CD247: variants seen among roughly 807,000 people sequenced by gnomAD.
CD247 encodes T-cell surface glycoprotein CD3 zeta chain.
Under a neutral mutation model 30.0 loss-of-function variants are expected in CD247, and 13 were observed. The observed-to-expected ratio is 0.43, with a 90% CI of 0.28 to 0.69. CD247 has a LOEUF of 0.69. CD247 is among the 30% of genes least tolerant of loss of function. The probability of loss-of-function intolerance (pLI) is 0.16; values close to 1 mark genes in which losing one functional copy is unlikely to be tolerated. For missense variants in CD247, 193 were observed against 212.6 expected, an observed-to-expected ratio of 0.91 and a Z score of 0.57; for synonymous variants, 72 against 80.0, an observed-to-expected ratio of 0.90 and a Z score of 0.53.
chr1:167,444,625 G>C (rs1467730477), intron 1 of CD247, among the ~76,000 whole-genome samples: 1 of 152,134 alleles, frequency 6.6e-6, no homozygotes, highest in Non-Finnish European at 1.5e-5. Flanking sequence ...GGCCTGGAGT[G>C]GAACCTGGGC....
chr1:167,461,456 C>T (rs1329407785), intron 1 of CD247, among the ~76,000 whole-genome samples: 3 of 152,230 alleles, frequency 2.0e-5, no homozygotes, highest in Non-Finnish European at 2.9e-5. Flanking sequence ...GCAGTGGTTT[C>T]ATCTCTGGTT....
At chr1:167,466,991 C>T (rs1355132988) in intron 1 of CD247, among the ~76,000 whole-genome samples, 3 of 152,228 alleles carry the variant, frequency 2.0e-5, no homozygotes, top group Admixed American at 6.5e-5. Flanking sequence ...AGGCGCCCGC[C>T]ACCGCGCCCT....
Position 167,480,021 on chromosome 1 carries a change from C to T in CD247, c.58+38387G>A, listed in dbSNP as rs187184183. Among the ~76,000 whole-genome samples the T allele has an allele frequency of 5.0e-4, 76 of 152,280 alleles. 1 individual carries two copies. The highest frequency in any genetic ancestry group is 4.1e-3 in the Admixed American group (62 of 15,292). On this transcript the variant is annotated intron_variant, in intron 1 of 7. Coordinates refer to ENST00000362089, the MANE Select transcript of CD247 (RefSeq NM_198053.3). ...AGCGGACTCAGAATCCAAAACAGCA[C>T]GGGCTGGATCACTGTTACTCAATGG...
intron 1 of CD247, among the ~76,000 whole-genome samples, chr1:167,462,738 C>T (rs1016491091): frequency 6.6e-6 from 1 of 152,186 alleles, no homozygotes; most frequent in African/African-American, 2.4e-5. Context: ...GCAATTCTCC[C>T]ACCCCCTGGA....
intron 1 of CD247, among the ~76,000 whole-genome samples, chr1:167,507,360 G>T (rs1655188148): frequency 6.6e-6 from 1 of 152,034 alleles, no homozygotes. Flanking sequence ...GGTGAACCAG[G>T]CCTCTTTTCT....
chr1:167,495,076 A>T (rs1182939322), intron 1 of CD247, among the ~76,000 whole-genome samples: 1 of 152,212 alleles, frequency 6.6e-6, no homozygotes, highest in Non-Finnish European at 1.5e-5. Context: ...ATCACTTCTC[A>T]TGCTGTCTTA....
At chr1:167,483,814 A>G (rs1654078947) in intron 1 of CD247, among the ~76,000 whole-genome samples, 1 of 152,220 alleles carries the variant, frequency 6.6e-6, no homozygotes, top group Admixed American at 6.5e-5. Flanking sequence ...AGTGCCCCTC[A>G]GCTTTGAACC....
In CD247 at chr1:167,430,816, G is replaced by A. The variant is rs758133053; in HGVS notation, c.*865C>T. The A allele has an allele frequency of 5.5e-5, 22 of 398,728 alleles. No individual in the cohort carries two copies. The highest frequency in any genetic ancestry group is 1.3e-4 in the South Asian group (1 of 7,862). 24.7% of individuals were successfully genotyped at this position (398,728 alleles called of 1,614,324 possible). A position where few individuals can be genotyped will look rare whatever the true frequency, so the allele number is the denominator to read the frequency against. On this transcript the variant is annotated 3_prime_UTR_variant, in exon 8 of 8. Transcript: ENST00000362089. ...GGTTTTTCCTGTCCTGCCACTGTCC[G>A]CTGGGCAGTTATAGGTCCCATGTGT...
In CD247 at chr1:167,437,274, G is replaced by A. The variant is rs548753158; in HGVS notation, c.300+1296C>T. On this transcript the variant is annotated intron_variant, in intron 4 of 7. Transcript: ENST00000362089. ...TACAAAATTAGCCAAGCGTGGTGGC[G>A]CATGCCTGTAATCCCAGCTACTCGG... is the stretch of plus-strand genomic sequence containing the variant. Among the ~76,000 whole-genome samples the A allele has an allele frequency of 1.9e-3, 286 of 152,086 alleles. 3 individuals are homozygous for A. The Middle Eastern group carries it at 0.034, about 18-fold the overall frequency.
At chr1:167,478,615 A>G (rs1239710270) in intron 1 of CD247, among the ~76,000 whole-genome samples, 1 of 152,158 alleles carries the variant, frequency 6.6e-6, no homozygotes, top group Non-Finnish European at 1.5e-5. Context: ...GAGTCAGACT[A>G]TTTGTCTCCA....
chr1:167,488,591 T>A (rs925756320), intron 1 of CD247, among the ~76,000 whole-genome samples: 1 of 152,076 alleles, frequency 6.6e-6, no homozygotes, highest in African/African-American at 2.4e-5. Context: ...GGGAACCGGA[T>A]ATTGAAGGTT....
chr1:167,434,489 C>T (rs758511997), intron 5 of CD247: 2 of 353,810 alleles, frequency 5.7e-6, no homozygotes, highest in South Asian at 2.2e-5. Flanking sequence ...ACAGGAGGGG[C>T]GGGGAGGCAT....
At chr1:167,465,494 A>AT (rs1207703756) in intron 1 of CD247, among the ~76,000 whole-genome samples, 5 of 151,116 alleles carry the variant, frequency 3.3e-5, no homozygotes, top group Admixed American at 6.6e-5. Context: ...TGCCTGGCTA[A>AT]TTTTTTTTGT....
intron 1 of CD247, chr1:167,448,350 G>A: frequency 1.0e-6 from 1 of 985,388 alleles, no homozygotes; most frequent in Non-Finnish European, 1.2e-6. Context: ...GACCTTCAAA[G>A]ACTTGCTGAT....
chr1:167,434,734 A>T (rs949426062), intron 5 of CD247: 3 of 451,734 alleles, frequency 6.6e-6, no homozygotes, highest in African/African-American at 6.0e-5. Context: ...TGGGAACTCC[A>T]GCAGCAGGGT....
At chr1:167,453,728 G>GA (rs1377441143) in intron 1 of CD247, among the ~76,000 whole-genome samples, 1 of 152,210 alleles carries the variant, frequency 6.6e-6, no homozygotes, top group African/African-American at 2.4e-5. Context: ...AGCACTTTGG[G>GA]AGGCTGAAGC....
rs915260514 is a variant in CD247, at chr1:167,494,445, G to C, written c.58+23963C>G. On this transcript the variant is annotated intron_variant, in intron 1 of 7. Transcript: ENST00000362089. The surrounding 1 kb of genome is among the most constrained non-coding windows in gnomAD (Gnocchi z 7.3). ...ACTACACTAGTGTGAGGAGGACCTC[G>C]GGAGAAATCGCATAGCTCCCTGGGC... is the stretch of plus-strand genomic sequence containing the variant. Among the ~76,000 whole-genome samples the C allele has an allele frequency of 6.6e-6, 1 of 152,102 alleles. No homozygotes were observed. Among genetic ancestry groups the C allele is most frequent in the Admixed American group, 6.5e-5 (1 of 15,272 alleles).
chr1:167,431,135 TC>T lies in CD247; in HGVS notation c.*545del. 1 of 420,902 alleles carries T rather than the reference TC, an allele frequency of 2.4e-6. No homozygotes were observed. The highest frequency in any genetic ancestry group is 4.2e-6 in the Non-Finnish European group (1 of 238,456). 26.1% of individuals were successfully genotyped at this position (420,902 alleles called of 1,614,324 possible). Reference sequence around the variant, plus strand: ...GCCCACCTTCCCATGCCCCTGCAGCTCCCTGGTTGCACCTGGCCTAGGCTCC... The same window carrying T: ...GCCCACCTTCCCATGCCCCTGCAGCTCCTGGTTGCACCTGGCCTAGGCTCC... On this transcript the variant is annotated 3_prime_UTR_variant, in exon 8 of 8. Coordinates refer to ENST00000362089, the MANE Select transcript of CD247 (RefSeq NM_198053.3).
chr1:167,472,114 A>G (rs1323621147), intron 1 of CD247, among the ~76,000 whole-genome samples: 2 of 152,136 alleles, frequency 1.3e-5, no homozygotes, highest in Non-Finnish European at 2.9e-5. Context: ...GATTACAGGC[A>G]TGAGCCACTG....
Sources: gnomAD v4.1 joint callset for allele counts (sites outside exome capture counted in the v4.1 genomes callset) on GRCh38, gnomAD v4.1.1 for gene constraint, Gnocchi (gnomAD v3.1) non-coding constraint, MANE v1.5 for transcripts, NCBI Gene and HGNC (gene_info 2026-07-23, HGNC 2026-07-21) for gene names.